Variants in FRMD4A observed in about 807,000 individuals in gnomAD.
FRMD4A encodes the protein FERM domain-containing protein 4A.
FRMD4A carries 29 observed loss-of-function variants against 129.1 expected under a neutral mutation model. The ratio of observed to expected loss-of-function variants is 0.22; its 90% CI spans 0.17 to 0.31. The LOEUF is 0.31. Among genes scored for constraint, FRMD4A ranks in the 10% least tolerant of loss-of-function variants. The pLI, the probability that FRMD4A is intolerant of heterozygous loss-of-function variation, is 1.00. For missense variants in FRMD4A, 1,272 were observed against 1,375.8 expected, an observed-to-expected ratio of 0.92 and a Z score of 1.19; for synonymous variants, 634 against 571.6, an observed-to-expected ratio of 1.11 and a Z score of -1.56.
intron 2 of FRMD4A, among the ~76,000 whole-genome samples, chr10:14,166,952 C>A (rs1841213471): frequency 6.6e-6 from 1 of 152,098 alleles, no homozygotes; most frequent in Non-Finnish European, 1.5e-5. Context: ...ATGCTATGTA[C>A]TAGGCTTAAA....
chr10:13,824,321 C>CAAAAAAAAAAAA (rs397721588), intron 3 of FRMD4A, among the ~76,000 whole-genome samples: 14 of 99,044 alleles, frequency 1.4e-4, no homozygotes, highest in South Asian at 4.2e-4. Flanking sequence ...ACTAAAAATA[C>CAAAAAAAAAAAA]AAAAAAAAAA....
At chr10:14,285,975 A>T (rs1845668442) in intron 2 of FRMD4A, among the ~76,000 whole-genome samples, 1 of 152,222 alleles carries the variant, frequency 6.6e-6, no homozygotes, top group African/African-American at 2.4e-5. Context: ...ATCCAAAAAA[A>T]TGCAAAATGG....
At chr10:13,673,478 C>T (rs565955174) in intron 16 of FRMD4A, among the ~76,000 whole-genome samples, 2 of 152,248 alleles carry the variant, frequency 1.3e-5, no homozygotes, top group Admixed American at 6.5e-5. Context: ...AACTGTTTAC[C>T]GGCGAAGCTC....
At chr10:13,684,965 G>A (rs2084941496) in intron 15 of FRMD4A, 2 of 983,870 alleles carry the variant, frequency 2.0e-6, no homozygotes, top group Non-Finnish European at 1.2e-6. Context: ...GAATAAATAT[G>A]AGGAAAAGGT....
At chr10:13,678,844 G>A (rs1018021638) in intron 15 of FRMD4A, among the ~76,000 whole-genome samples, 1 of 152,100 alleles carries the variant, frequency 6.6e-6, no homozygotes, top group African/African-American at 2.4e-5. Flanking sequence ...TATAATGTAT[G>A]GTAATCAGAT....
intron 2 of FRMD4A, chr10:13,890,845 C>T (rs12774437): frequency 0.061 from 59,938 of 984,944 alleles, 1,923 homozygotes; most frequent in African/African-American, 0.091. Flanking sequence ...AAGAAGCCGT[C>T]GCCAGAGCTA....
intron 12 of FRMD4A, among the ~76,000 whole-genome samples, chr10:13,711,469 T>C (rs2088013230): frequency 6.6e-6 from 1 of 152,330 alleles, no homozygotes; most frequent in African/African-American, 2.4e-5. Context: ...GCAGCCGTCA[T>C]AACCCACCAC....
intron 2 of FRMD4A, among the ~76,000 whole-genome samples, 192 bp from the exon 3 acceptor site, chr10:13,859,104 G>A (rs1177170325): frequency 2.0e-5 from 3 of 152,182 alleles, no homozygotes; most frequent in Non-Finnish European, 2.9e-5. Context: ...GAGGCCGGGC[G>A]CGGTGGCTCA....
intron 2 of FRMD4A, among the ~76,000 whole-genome samples, chr10:14,243,789 A>G (rs1338059744): frequency 6.6e-6 from 1 of 151,780 alleles, no homozygotes; most frequent in Non-Finnish European, 1.5e-5. Flanking sequence ...AACACTTAAA[A>G]ATGGTTCAAA....
In FRMD4A at chr10:13,645,357, A is replaced by G. The variant is rs200194560; in HGVS notation, c.*1681T>C. 4.6e-5 allele frequency: 1 copy of G among 21,840 alleles called. No homozygotes were observed. Among genetic ancestry groups the G allele is most frequent in the Non-Finnish European group, 1.0e-4 (1 of 9,526 alleles). 1.4% of individuals were successfully genotyped at this position (21,840 alleles called of 1,614,324 possible). Reference sequence around the variant, plus strand: ...GTCATTAGAGTGAGAAAAAAATTCCACCCCCACCCCATCCCCCCACCACTT... The same window carrying G: ...GTCATTAGAGTGAGAAAAAAATTCCGCCCCCACCCCATCCCCCCACCACTT... On this transcript the variant is annotated 3_prime_UTR_variant, in exon 25 of 25. Coordinates refer to ENST00000357447, the MANE Select transcript of FRMD4A (RefSeq NM_018027.5).
chr10:14,311,185 C>A (rs1846535039), intron 2 of FRMD4A, among the ~76,000 whole-genome samples: 1 of 152,194 alleles, frequency 6.6e-6, no homozygotes, highest in Non-Finnish European at 1.5e-5. Flanking sequence ...GAATCCCACA[C>A]AAGCCTCCCC....
intron 2 of FRMD4A, among the ~76,000 whole-genome samples, chr10:14,201,936 CTGGCCAACA>C (rs1279240790): frequency 1.3e-5 from 2 of 152,166 alleles, no homozygotes; most frequent in African/African-American, 4.8e-5. Context: ...TGAGACCAGC[CTGGCCAACA>C]TGGTGAAACG....
chr10:14,054,880 T>C (rs1431461461), intron 2 of FRMD4A, among the ~76,000 whole-genome samples: 2 of 152,212 alleles, frequency 1.3e-5, no homozygotes, highest in African/African-American at 4.8e-5. Context: ...CCTGCCACCA[T>C]GTAAGATGTG....
chr10:14,225,168 G>C (rs931080067), intron 2 of FRMD4A, among the ~76,000 whole-genome samples: 2 of 152,146 alleles, frequency 1.3e-5, no homozygotes, highest in Non-Finnish European at 2.9e-5. Flanking sequence ...ATAAAACATT[G>C]CTGAAAAACA....
At chr10:14,117,693 G>A (rs1248215169) in intron 2 of FRMD4A, among the ~76,000 whole-genome samples, 2 of 152,194 alleles carry the variant, frequency 1.3e-5, no homozygotes, top group Admixed American at 6.5e-5. Flanking sequence ...GAGAATGGAA[G>A]TAGAGTTTGA....
chr10:13,955,308 A>T (rs1225020601), intron 2 of FRMD4A, among the ~76,000 whole-genome samples: 1 of 152,020 alleles, frequency 6.6e-6, no homozygotes, highest in Non-Finnish European at 1.5e-5. Flanking sequence ...GGGTTTCGCC[A>T]TGTTGGCCAG....
intron 2 of FRMD4A, among the ~76,000 whole-genome samples, chr10:14,229,839 T>C (rs1171166507): frequency 6.6e-6 from 1 of 152,208 alleles, no homozygotes; most frequent in African/African-American, 2.4e-5. Context: ...AGCTATCACA[T>C]TGTAACAAAG....
At chr10:14,051,162 A>G (rs150205564) in intron 2 of FRMD4A, among the ~76,000 whole-genome samples, 1 of 152,222 alleles carries the variant, frequency 6.6e-6, no homozygotes. Flanking sequence ...ACCAAAATGC[A>G]GTATCTAGCC....
chr10:13,675,945 CA>C (rs2083941700), intron 15 of FRMD4A: 1 of 152,046 alleles, frequency 6.6e-6, no homozygotes, highest in African/African-American at 2.4e-5. Context: ...TGTTTTGTAT[CA>C]TGAGCAAATT....
Sources: gnomAD v4.1 joint callset for allele counts (sites outside exome capture counted in the v4.1 genomes callset) on GRCh38, gnomAD v4.1.1 for gene constraint, MANE v1.5 for transcripts, NCBI Gene and HGNC (gene_info 2026-07-23, HGNC 2026-07-21) for gene names.